The following WDFY1 variants were observed in gnomAD, a reference collection of about 807,000 sequenced individuals.
WDFY1 encodes the protein WD repeat and FYVE domain-containing protein 1.
In WDFY1, 32 loss-of-function variants were observed where a neutral mutation model predicts 56.4. The ratio of observed to expected loss-of-function variants is 0.57; its 90% CI spans 0.43 to 0.76. The LOEUF (loss-of-function observed/expected upper bound fraction) is 0.76, where lower values mean the gene tolerates loss of function less well. Among genes scored for constraint, WDFY1 ranks in the 30% least tolerant of loss-of-function variants. The probability of loss-of-function intolerance (pLI) is 0.00; values close to 1 mark genes in which losing one functional copy is unlikely to be tolerated. For missense variants in WDFY1, 480 were observed against 545.7 expected, an observed-to-expected ratio of 0.88 and a Z score of 1.20; for synonymous variants, 192 against 197.3, an observed-to-expected ratio of 0.97 and a Z score of 0.23.
chr2:223,927,801 T>C (rs1014260635), intron 1 of WDFY1, among the ~76,000 whole-genome samples: 1 of 152,298 alleles, frequency 6.6e-6, no homozygotes, highest in Middle Eastern at 3.4e-3. Context: ...TTTCTAACGT[T>C]TGATTTAAAG....
rs914181726 is a variant in WDFY1, at chr2:223,876,964, T to C, written c.*1707A>G. 1 of 152,214 alleles carries C rather than the reference T, an allele frequency of 6.6e-6. No homozygotes were observed. The highest frequency in any genetic ancestry group is 1.5e-5 in the Non-Finnish European group (1 of 68,034). 9.4% of individuals were successfully genotyped at this position (152,214 alleles called of 1,614,324 possible). On this transcript the variant is annotated 3_prime_UTR_variant, in exon 12 of 12. Transcript: ENST00000233055. ...ACTACTCAATTTTTCTTCCAAACTA[T>C]GTTAGTAATATACATTTTGCAAAGA...
At chr2:223,914,868 T>A (rs1298035002) in intron 2 of WDFY1, among the ~76,000 whole-genome samples, 1 of 148,664 alleles carries the variant, frequency 6.7e-6, no homozygotes, top group Admixed American at 6.7e-5. Context: ...ATTCTGAAAG[T>A]TTTTTTTTTA....
intron 2 of WDFY1, among the ~76,000 whole-genome samples, chr2:223,916,728 G>A (rs2106091655): frequency 6.6e-6 from 1 of 152,222 alleles, no homozygotes; most frequent in South Asian, 2.1e-4. Context: ...AAGAAAGGAA[G>A]TGGGAGACAA....
chr2:223,904,042 A>G (rs554675486), intron 4 of WDFY1, among the ~76,000 whole-genome samples: 1 of 152,358 alleles, frequency 6.6e-6, no homozygotes, highest in African/African-American at 2.4e-5. Context: ...AAAGGAATTT[A>G]CGGATTCTTG....
At chr2:223,904,680 T>C (rs1030182059) in intron 4 of WDFY1, among the ~76,000 whole-genome samples, 10 of 152,334 alleles carry the variant, frequency 6.6e-5, no homozygotes, top group African/African-American at 2.2e-4. Context: ...ACGTAAAACA[T>C]CTACACTCTA....
chr2:223,896,012 C>A (rs1285416840), intron 6 of WDFY1, among the ~76,000 whole-genome samples: 1 of 151,556 alleles, frequency 6.6e-6, no homozygotes, highest in Non-Finnish European at 1.5e-5. Context: ...ACAAATTAGC[C>A]AGGCATGGTG....
intron 1 of WDFY1, among the ~76,000 whole-genome samples, chr2:223,944,708 G>A (rs1406542501): frequency 1.4e-5 from 2 of 147,250 alleles, no homozygotes; most frequent in Admixed American, 1.3e-4. Context: ...AGTGGGACAA[G>A]GGTCCCGGAC....
chr2:223,892,010 C>T (rs550735630), intron 8 of WDFY1, among the ~76,000 whole-genome samples: 64 of 152,140 alleles, frequency 4.2e-4, no homozygotes, highest in African/African-American at 1.2e-3. Context: ...GAGTTTTGCT[C>T]GTCGCCCAGG....
chr2:223,935,028 T>A (rs1031665138), intron 1 of WDFY1, among the ~76,000 whole-genome samples: 1 of 151,846 alleles, frequency 6.6e-6, no homozygotes, highest in East Asian at 1.9e-4. Flanking sequence ...GAGAAGAGGG[T>A]TTCGGCGAGG....
intron 1 of WDFY1, among the ~76,000 whole-genome samples, chr2:223,929,311 G>A (rs541038904): frequency 3.2e-4 from 48 of 150,456 alleles, no homozygotes; most frequent in African/African-American, 1.1e-3. Flanking sequence ...CCTCAGCCCC[G>A]CTAGTAGCTG....
In WDFY1 at chr2:223,884,855, T is replaced by C. The variant is rs572724486; in HGVS notation, c.832-106A>G. ...ACCTTGCCAAGGTTAGTATTTCTTT[T>C]CTTCTTTTTTTTTTTTTTTTGGTCT... On this transcript the variant is annotated intron_variant, in intron 8 of 11. Coordinates refer to ENST00000233055, the MANE Select transcript of WDFY1 (RefSeq NM_020830.5). The C allele has an allele frequency of 6.1e-6, 5 of 817,130 alleles. No individual in the cohort carries two copies. In the African/African-American group the frequency reaches 1.2e-4, roughly 20 times the overall value. The allele number at this position is 817,130 out of a possible 1,614,324, so 50.6% of individuals were successfully genotyped here.
intron 1 of WDFY1, among the ~76,000 whole-genome samples, chr2:223,930,419 T>C (rs1455649197): frequency 6.6e-6 from 1 of 152,214 alleles, no homozygotes; most frequent in Non-Finnish European, 1.5e-5. Flanking sequence ...AACCTCCGCC[T>C]ACCGGGTTCA....
In WDFY1 at chr2:223,895,514, G is replaced by C; in HGVS notation, c.715C>G (p.Gln239Glu). 3 of 1,613,948 alleles carry C rather than the reference G, an allele frequency of 1.9e-6. No homozygotes were observed. Among genetic ancestry groups the C allele is most frequent in the Non-Finnish European group, 2.5e-6 (3 of 1,179,886 alleles). Residue 239 changes from glutamine to glutamate, a missense_variant, in exon 7 of 12, where the codon CAG becomes GAG. Coordinates refer to ENST00000233055, the MANE Select transcript of WDFY1 (RefSeq NM_020830.5). ...GGRKGRTLLL[Q>E]GHHDKVQSLC... ...CAAGTGGTCACGCACTGATGGCCCT[G>C]AAGTAACAGCGTCCGGCCTTTCCTT... is the stretch of plus-strand genomic sequence containing the variant.
intron 1 of WDFY1, among the ~76,000 whole-genome samples, chr2:223,926,250 G>A (rs1230790669): frequency 2.0e-5 from 3 of 152,020 alleles, no homozygotes; most frequent in Non-Finnish European, 4.4e-5. Flanking sequence ...AGGCTCCAGG[G>A]ATCCTCCCAC....
At chr2:223,897,380 A>ATTTTT (rs1192018583) in intron 6 of WDFY1, among the ~76,000 whole-genome samples, 2 of 84,842 alleles carry the variant, frequency 2.4e-5, no homozygotes, top group African/African-American at 1.4e-4. Flanking sequence ...ATATATATAT[A>ATTTTT]TATATATATA....
chr2:223,944,598 G>A (rs1303181199), intron 1 of WDFY1, among the ~76,000 whole-genome samples: 4 of 150,804 alleles, frequency 2.7e-5, no homozygotes, highest in Admixed American at 2.0e-4. Flanking sequence ...GGCTTGAGTG[G>A]CGCGGTGGGA....
At chr2:223,878,886 T>C (rs1693016885) in intron 11 of WDFY1, among the ~76,000 whole-genome samples, 156 bp from the exon 12 acceptor site, 1 of 152,248 alleles carries the variant, frequency 6.6e-6, no homozygotes, top group Non-Finnish European at 1.5e-5. Flanking sequence ...TTAAGATTTA[T>C]AGAAAGAGGC....
intron 4 of WDFY1, among the ~76,000 whole-genome samples, chr2:223,905,196 G>A (rs1693576184): frequency 6.6e-6 from 1 of 152,220 alleles, no homozygotes; most frequent in Non-Finnish European, 1.5e-5. Flanking sequence ...GCTGCCATTC[G>A]CAGACTGTAA....
At chr2:223,919,807 G>A (rs775666502) in intron 1 of WDFY1, among the ~76,000 whole-genome samples, 1 of 152,222 alleles carries the variant, frequency 6.6e-6, no homozygotes, top group Admixed American at 6.5e-5. Context: ...GCCTAGACAA[G>A]TAAAACTGGG....
Sources: gnomAD v4.1 joint callset for allele counts (sites outside exome capture counted in the v4.1 genomes callset) on GRCh38, gnomAD v4.1.1 for gene constraint, MANE v1.5 for transcripts, NCBI Gene and HGNC (gene_info 2026-07-23, HGNC 2026-07-21) for gene names.